Variants in KCNC2 observed in about 807,000 individuals in gnomAD.
KCNC2 encodes voltage-gated potassium channel KCNC2.
A neutral mutation model predicts 44.5 loss-of-function variants in KCNC2; 21 were observed. The observed-to-expected ratio is 0.47, with a 90% CI of 0.33 to 0.68. The LOEUF (loss-of-function observed/expected upper bound fraction) is 0.68, where lower values mean the gene tolerates loss of function less well. Ranked by LOEUF, KCNC2 falls within the 30% of genes least tolerant of loss-of-function variation. KCNC2 has a pLI of 0.01. For synonymous variants in KCNC2, 391 were observed against 339.1 expected, an observed-to-expected ratio of 1.15 and a Z score of -1.68; for missense variants, 589 against 826.2, an observed-to-expected ratio of 0.71 and a Z score of 3.52.
chr12:75,058,665 T>A (rs184003751), intron 2 of KCNC2, among the ~76,000 whole-genome samples: 4 of 152,178 alleles, frequency 2.6e-5, no homozygotes, highest in African/African-American at 9.6e-5. Context: ...CCAATGTCTG[T>A]CTACCCTGCA....
chr12:75,042,288 C>A lies in KCNC2; in HGVS notation c.*817G>T. 6.2e-7 allele frequency: 1 copy of A among 1,610,322 alleles called. No homozygotes were observed. ...GCCTGGCTGGCAGTTACCTTTCTCT[C>A]ATGTTTTGTGCCTTCCCCAAGTCAT... On this transcript the variant is annotated 3_prime_UTR_variant, in exon 5 of 5. Coordinates refer to ENST00000549446, the MANE Select transcript of KCNC2 (RefSeq NM_139137.4).
At chr12:75,048,945 T>C (rs1277534721) in intron 3 of KCNC2, among the ~76,000 whole-genome samples, 1 of 152,078 alleles carries the variant, frequency 6.6e-6, no homozygotes, top group Non-Finnish European at 1.5e-5. Flanking sequence ...ACTTTCACCA[T>C]CCTATTGGCC....
intron 2 of KCNC2, among the ~76,000 whole-genome samples, chr12:75,192,533 AAATT>A (rs1200815439): frequency 5.3e-5 from 8 of 152,362 alleles, no homozygotes; most frequent in Admixed American, 2.6e-4. Flanking sequence ...GGTAGATAAT[AAATT>A]AAGTGTCACC....
At chr12:75,105,313 A>G (rs1886695134) in intron 2 of KCNC2, among the ~76,000 whole-genome samples, 2 of 152,208 alleles carry the variant, frequency 1.3e-5, no homozygotes, top group South Asian at 2.1e-4. Context: ...CATGAATTAC[A>G]TAGTAAGAAG....
chr12:75,136,677 A>C (rs1232064244), intron 2 of KCNC2, among the ~76,000 whole-genome samples: 2 of 152,138 alleles, frequency 1.3e-5, no homozygotes, highest in East Asian at 1.9e-4. Context: ...ATCAGTAATA[A>C]AAATCTCCCA....
intron 2 of KCNC2, among the ~76,000 whole-genome samples, chr12:75,184,819 T>A (rs1892824070): frequency 6.6e-6 from 1 of 152,204 alleles, no homozygotes; most frequent in South Asian, 2.1e-4. Context: ...CTTAAGTGCC[T>A]GCTTGTGAAA....
chr12:75,134,191 G>A (rs1218110885), intron 2 of KCNC2, among the ~76,000 whole-genome samples: 1 of 151,822 alleles, frequency 6.6e-6, no homozygotes, highest in African/African-American at 2.4e-5. Flanking sequence ...AATATGTATA[G>A]CTAAAATTAG....
intron 2 of KCNC2, among the ~76,000 whole-genome samples, chr12:75,054,746 T>A (rs980732993): frequency 2.0e-5 from 3 of 152,094 alleles, no homozygotes; most frequent in African/African-American, 7.2e-5. Flanking sequence ...GTAGCACCCA[T>A]GAAAATTCTT....
chr12:75,109,895 A>AT (rs561597301), intron 2 of KCNC2, among the ~76,000 whole-genome samples: 24 of 152,106 alleles, frequency 1.6e-4, no homozygotes, highest in Admixed American at 3.3e-4. Context: ...AAAAAATCTA[A>AT]TTTTTTTTAA....
chr12:75,195,500 T>C (rs113144609), intron 2 of KCNC2, among the ~76,000 whole-genome samples: 205 of 152,242 alleles, frequency 1.3e-3, no homozygotes, highest in Admixed American at 2.4e-3. Flanking sequence ...TCTTGTCCCA[T>C]AACACAAAGA....
chr12:75,059,381 G>T (rs1263611483), intron 2 of KCNC2, among the ~76,000 whole-genome samples: 1 of 151,852 alleles, frequency 6.6e-6, no homozygotes, highest in Non-Finnish European at 1.5e-5. Flanking sequence ...CACTCTCATT[G>T]TCTCACTTGT....
Position 75,051,267 on chromosome 12 carries a change from A to G in KCNC2, c.738T>C (p.Phe246=), listed in dbSNP as rs1330176373. The G allele has an allele frequency of 7.5e-6, 12 of 1,601,610 alleles. No homozygotes were observed. Among genetic ancestry groups the G allele is most frequent in the Non-Finnish European group, 1.0e-5 (12 of 1,170,214 alleles). The change falls in exon 3 of 5, where the codon TTT becomes TTC. Residue 246 remains phenylalanine (F), a synonymous_variant. Coordinates refer to ENST00000549446, the MANE Select transcript of KCNC2 (RefSeq NM_139137.4). ...LFFILVSITT[F]CLETHEAFNI... ...TGAAAGCTTCATGTGTTTCCAGGCA[A>G]AAAGTTGTAATTGAAACCAGGATGA...
At position 75,042,156 on chromosome 12, in the gene KCNC2, T is replaced by C. The variant is rs560046655; in HGVS notation, c.*949A>G. 4.2e-4 allele frequency: 538 copies of C among 1,273,948 alleles called. 1 individual carries two copies. The highest frequency in any genetic ancestry group is 5.2e-4 in the Non-Finnish European group (524 of 1,005,024). 78.9% of individuals were successfully genotyped at this position (1,273,948 alleles called of 1,614,324 possible). On this transcript the variant is annotated 3_prime_UTR_variant, in exon 5 of 5. Transcript: ENST00000549446. ...GGGGTAAAAAAAAGACACAAGAGCT[T>C]TGGGTGATATTTGGCACTCTGCCTC...
At chr12:75,083,982 C>T (rs187257147) in intron 2 of KCNC2, among the ~76,000 whole-genome samples, 28 of 151,982 alleles carry the variant, frequency 1.8e-4, no homozygotes, top group African/African-American at 6.0e-4. Context: ...ATTGTGAAAG[C>T]ACTGATGTTT....
chr12:75,150,278 C>A (rs1019340388), intron 2 of KCNC2, among the ~76,000 whole-genome samples: 2 of 151,706 alleles, frequency 1.3e-5, no homozygotes, highest in Admixed American at 6.6e-5. Flanking sequence ...TTCACTACAC[C>A]CTCATCCGTT....
At chr12:75,079,674 A>C (rs554335746) in intron 2 of KCNC2, among the ~76,000 whole-genome samples, 2 of 152,300 alleles carry the variant, frequency 1.3e-5, no homozygotes, top group African/African-American at 4.8e-5. Flanking sequence ...AATAAAACAA[A>C]AACTCAGTTA....
At chr12:75,119,954 T>A (rs1887938631) in intron 2 of KCNC2, among the ~76,000 whole-genome samples, 1 of 152,188 alleles carries the variant, frequency 6.6e-6, no homozygotes, top group Admixed American at 6.5e-5. Context: ...AGAATACAAC[T>A]ATAAAACCAA....
intron 2 of KCNC2, among the ~76,000 whole-genome samples, chr12:75,108,634 A>G (rs529311811): frequency 1.3e-5 from 2 of 152,340 alleles, no homozygotes; most frequent in Non-Finnish European, 2.9e-5. Flanking sequence ...TGAATTTCAT[A>G]AACCCAACAA....
intron 2 of KCNC2, among the ~76,000 whole-genome samples, chr12:75,201,992 C>A (rs1001742468): frequency 4.6e-5 from 7 of 151,780 alleles, no homozygotes; most frequent in Non-Finnish European, 1.0e-4. Context: ...TCAAAGAATA[C>A]AATACTTGAA....
Sources: allele counts gnomAD v4.1 joint callset (sites outside exome capture counted in the v4.1 genomes callset), GRCh38; gene constraint gnomAD v4.1.1; transcripts MANE v1.5; gene names NCBI Gene and HGNC (gene_info 2026-07-23, HGNC 2026-07-21).